The following SVOP variants were observed in gnomAD, a reference collection of about 807,000 sequenced individuals.
SVOP encodes SV2 related protein, also known as synaptic vesicle 2-related protein.
In SVOP, 17 loss-of-function variants were observed where a neutral mutation model predicts 69.1. That is an observed-to-expected ratio of 0.25 (90% CI 0.17 to 0.37). The LOEUF (loss-of-function observed/expected upper bound fraction) is 0.37. Ranked by LOEUF, SVOP falls within the 10% of genes least tolerant of loss-of-function variation. The pLI is 1.00. For synonymous variants in SVOP, 238 were observed against 238.6 expected (o/e 1.00, Z 0.02); for missense variants, 435 against 597.5 (o/e 0.73, Z 2.84).
At chr12:109,002,806 G>T (rs1464761212) in intron 1 of SVOP, among the ~76,000 whole-genome samples, 2 of 116,800 alleles carry the variant, frequency 1.7e-5, no homozygotes, top group African/African-American at 3.2e-5. Context: ...TGGGGACTGT[G>T]GTGGGGTGGG....
In SVOP at chr12:108,938,809, A is replaced by G. The variant is rs368369399; in HGVS notation, c.897+18T>C. ...CCCCGATACGCACATTGCAGAGTCT[A>G]TTGGTCCAGGCACTGACCTGTCTGG... On this transcript the variant is annotated intron_variant, in intron 9 of 15. Transcript: ENST00000610966. The G allele has an allele frequency of 6.2e-6, 10 of 1,613,728 alleles. No individual in the cohort carries two copies. Among genetic ancestry groups the G allele is most frequent in the East Asian group, 2.2e-5 (1 of 44,886 alleles).
intron 5 of SVOP, among the ~76,000 whole-genome samples, chr12:108,970,640 T>C (rs1260371112): frequency 1.3e-5 from 2 of 152,190 alleles, no homozygotes; most frequent in Non-Finnish European, 1.5e-5. Flanking sequence ...GTCCCAAGCA[T>C]TGACATTGCA....
chr12:108,940,195 T>C (rs1038883216), intron 8 of SVOP, among the ~76,000 whole-genome samples: 2 of 152,204 alleles, frequency 1.3e-5, no homozygotes, highest in African/African-American at 4.8e-5. Context: ...TTAATACTTA[T>C]TATCATTACC....
chr12:108,953,442 C>T (rs1483598409), intron 6 of SVOP, among the ~76,000 whole-genome samples: 7 of 152,346 alleles, frequency 4.6e-5, no homozygotes, highest in Admixed American at 2.6e-4. Flanking sequence ...TCACCACGCC[C>T]GGCCCTAATT....
chr12:108,978,702 G>A (rs1233862045), intron 2 of SVOP, 39 bp from the exon 3 acceptor site: 13 of 702,234 alleles, frequency 1.9e-5, no homozygotes, highest in Non-Finnish European at 2.9e-5. Flanking sequence ...AGGAATCAGT[G>A]CACCTTGCAG....
chr12:109,020,717 C>G (rs1048961186), intron 1 of SVOP, 117 bp downstream of exon 1: 3 of 529,320 alleles, frequency 5.7e-6, no homozygotes, highest in Non-Finnish European at 1.0e-5. Context: ...TCCTCTGAAA[C>G]AGTTCCCTTT....
intron 6 of SVOP, among the ~76,000 whole-genome samples, chr12:108,959,137 A>G (rs1421965421): frequency 1.3e-5 from 2 of 152,100 alleles, no homozygotes; most frequent in African/African-American, 2.4e-5. Flanking sequence ...TGAATACACT[A>G]CAAGGGATCG....
chr12:108,992,567 G>C (rs752315351), intron 1 of SVOP, among the ~76,000 whole-genome samples: 1 of 152,070 alleles, frequency 6.6e-6, no homozygotes, highest in Non-Finnish European at 1.5e-5. Flanking sequence ...TGAACAAACA[G>C]AAACCTCCTG....
At chr12:108,992,163 G>T (rs1238908804) in intron 1 of SVOP, among the ~76,000 whole-genome samples, 4 of 152,014 alleles carry the variant, frequency 2.6e-5, no homozygotes, top group African/African-American at 7.2e-5. Flanking sequence ...CTAAATAACA[G>T]GCTCCCCAAA....
intron 1 of SVOP, among the ~76,000 whole-genome samples, chr12:109,012,417 A>G (rs931761277): frequency 6.6e-6 from 1 of 152,198 alleles, no homozygotes; most frequent in Non-Finnish European, 1.5e-5. Context: ...AAGTGTACTC[A>G]CCACAAAAAA....
intron 11 of SVOP, among the ~76,000 whole-genome samples, chr12:108,933,153 G>A (rs2039832100): frequency 6.6e-6 from 1 of 152,136 alleles, no homozygotes; most frequent in South Asian, 2.1e-4. Flanking sequence ...GGGACTACAT[G>A]CACGAGCCAC....
intron 1 of SVOP, among the ~76,000 whole-genome samples, chr12:109,002,568 A>T (rs1336649010): frequency 6.7e-6 from 1 of 149,418 alleles, no homozygotes; most frequent in Non-Finnish European, 1.5e-5. Context: ...CAAATGTCCA[A>T]CAATGATAGA....
At chr12:108,952,230 CTTTTTT>C (rs36191772) in intron 6 of SVOP, among the ~76,000 whole-genome samples, 55 of 98,360 alleles carry the variant, frequency 5.6e-4, no homozygotes, top group Admixed American at 1.2e-3. Context: ...TTTCTTTTCT[CTTTTTT>C]TTTTTTTTTT....
chr12:109,009,767 A>C (rs1017517304), intron 1 of SVOP, among the ~76,000 whole-genome samples: 2 of 152,086 alleles, frequency 1.3e-5, no homozygotes, highest in African/African-American at 2.4e-5. Context: ...GGCATCGGCA[A>C]TGTCTAGAGA....
chr12:108,922,961 G>A (rs2039759301), intron 11 of SVOP, among the ~76,000 whole-genome samples, 164 bp from the exon 12 acceptor site: 2 of 152,226 alleles, frequency 1.3e-5, no homozygotes, highest in Non-Finnish European at 2.9e-5. Flanking sequence ...AAGCCGCAGT[G>A]CTCCAGCTTC....
At chr12:108,971,851 TGA>T (rs1395844223) in intron 5 of SVOP, among the ~76,000 whole-genome samples, 2 of 151,736 alleles carry the variant, frequency 1.3e-5, no homozygotes, top group Non-Finnish European at 2.9e-5. Flanking sequence ...GCCAGGAATT[TGA>T]GACCAGCCTG....
chr12:109,006,831 T>C (rs547232850), intron 1 of SVOP, among the ~76,000 whole-genome samples: 9 of 152,236 alleles, frequency 5.9e-5, no homozygotes, highest in African/African-American at 2.2e-4. Context: ...TAGGAATTAG[T>C]TAACTCTGAG....
intron 4 of SVOP, among the ~76,000 whole-genome samples, chr12:108,975,778 T>C (rs925628577): frequency 2.6e-5 from 4 of 152,186 alleles, no homozygotes; most frequent in Non-Finnish European, 5.9e-5. Flanking sequence ...CTCGGCTCTC[T>C]GCAAACTCAG....
At chr12:108,978,847 C>T (rs546428748) in intron 2 of SVOP, among the ~76,000 whole-genome samples, 184 bp from the exon 3 acceptor site, 4 of 152,146 alleles carry the variant, frequency 2.6e-5, no homozygotes, top group Non-Finnish European at 5.9e-5. Flanking sequence ...TTACTTACAA[C>T]GGGAGAAACG....
Sources: gnomAD v4.1 joint callset for allele counts (sites outside exome capture counted in the v4.1 genomes callset) on GRCh38, gnomAD v4.1.1 for gene constraint, MANE v1.5 for transcripts, NCBI Gene and HGNC (gene_info 2026-07-23, HGNC 2026-07-21) for gene names.